The following POFUT3 variants were observed in gnomAD, a reference collection of about 807,000 sequenced individuals.
The protein encoded by POFUT3 is protein O-fucosyltransferase 3, also known as GDP-fucose protein O-fucosyltransferase 3.
At chr8:33,368,590 C>A in the POFUT3 span, among the ~76,000 whole-genome samples, 2 of 152,174 alleles carry the variant, frequency 1.3e-5, no homozygotes, top group African/African-American at 2.4e-5. Flanking sequence ...TATGAGCAAG[C>A]AGGGTCAAGA....
the POFUT3 span, among the ~76,000 whole-genome samples, chr8:33,434,363 T>C: frequency 6.6e-6 from 1 of 152,154 alleles, no homozygotes; most frequent in African/African-American, 2.4e-5. Flanking sequence ...GTCTTTGCTC[T>C]TCCTAGCTTT....
At chr8:33,334,846 C>T in the POFUT3 span, among the ~76,000 whole-genome samples, 1 of 152,162 alleles carries the variant, frequency 6.6e-6, no homozygotes, top group African/African-American at 2.4e-5. Context: ...TGAAGCAATT[C>T]AACTCCAACA....
At chr8:33,332,762 C>A in the POFUT3 span, among the ~76,000 whole-genome samples, 1 of 152,034 alleles carries the variant, frequency 6.6e-6, no homozygotes, top group African/African-American at 2.4e-5. Context: ...AAGGAAGGGG[C>A]CTTAACCATT....
At chr8:33,451,480 A>G in the POFUT3 span, among the ~76,000 whole-genome samples, 12 of 152,100 alleles carry the variant, frequency 7.9e-5, no homozygotes, top group South Asian at 2.1e-4. Context: ...GTGTGTGTAT[A>G]TGCATATATG....
the POFUT3 span, among the ~76,000 whole-genome samples, chr8:33,350,362 C>T: frequency 6.6e-6 from 1 of 152,126 alleles, no homozygotes; most frequent in African/African-American, 2.4e-5. Context: ...ATCCTTTTCC[C>T]AGGCCCTGTC....
chr8:33,309,328 A>C, the POFUT3 span, among the ~76,000 whole-genome samples: 1 of 147,464 alleles, frequency 6.8e-6, no homozygotes, highest in Admixed American at 6.8e-5. Context: ...ACATGGGATA[A>C]AGGTTGTTTA....
the POFUT3 span, among the ~76,000 whole-genome samples, chr8:33,309,167 A>ATAT: frequency 3.7e-5 from 2 of 53,674 alleles, no homozygotes; most frequent in Admixed American, 2.6e-4. Flanking sequence ...AAAAAAAAAA[A>ATAT]ATATATATAT....
the POFUT3 span, among the ~76,000 whole-genome samples, chr8:33,337,333 G>C: frequency 6.6e-6 from 1 of 152,130 alleles, no homozygotes; most frequent in Non-Finnish European, 1.5e-5. Flanking sequence ...AGATGGAAAA[G>C]TACTTCTCCA....
At chr8:33,469,172 G>A in the POFUT3 span, among the ~76,000 whole-genome samples, 17 of 152,100 alleles carry the variant, frequency 1.1e-4, no homozygotes, top group Non-Finnish European at 2.4e-4. Flanking sequence ...TGGGTGTGGT[G>A]GTGCGTGCCT....
the POFUT3 span, among the ~76,000 whole-genome samples, chr8:33,362,626 C>G: frequency 6.6e-6 from 1 of 151,628 alleles, no homozygotes; most frequent in Non-Finnish European, 1.5e-5. Flanking sequence ...CAATCCTAGT[C>G]TCTGATAAAA....
the POFUT3 span, among the ~76,000 whole-genome samples, chr8:33,351,645 A>G: frequency 2.0e-5 from 3 of 152,150 alleles, no homozygotes; most frequent in African/African-American, 4.8e-5. Context: ...TGCTTCTTGT[A>G]CAGCCTGAAG....
chr8:33,453,601 G>A, the POFUT3 span: 137 of 1,066,940 alleles, frequency 1.3e-4, 6 homozygotes, highest in South Asian at 1.9e-3. Context: ...CCCCTGACTC[G>A]TTTTCAATTG....
the POFUT3 span, among the ~76,000 whole-genome samples, chr8:33,439,501 C>A: frequency 6.6e-5 from 10 of 152,246 alleles, no homozygotes; most frequent in East Asian, 1.5e-3. Flanking sequence ...AAATCAGAAT[C>A]AAACAAAATA....
the POFUT3 span, among the ~76,000 whole-genome samples, chr8:33,415,646 TA>T: frequency 6.6e-6 from 1 of 151,988 alleles, no homozygotes; most frequent in Non-Finnish European, 1.5e-5. Flanking sequence ...TCATCCAGCA[TA>T]ATAAAGGGTA....
the POFUT3 span, among the ~76,000 whole-genome samples, chr8:33,451,478 A>G: frequency 5.9e-5 from 9 of 152,112 alleles, no homozygotes; most frequent in South Asian, 4.1e-4. Context: ...ATGTGTGTGT[A>G]TATGCATATA....
the POFUT3 span, chr8:33,371,191 T>G: frequency 6.6e-6 from 1 of 152,194 alleles, no homozygotes; most frequent in East Asian, 1.9e-4. Context: ...AAGATCATAT[T>G]TAGTTAATGA....
the POFUT3 span, among the ~76,000 whole-genome samples, chr8:33,420,919 T>C: frequency 6.6e-6 from 1 of 151,756 alleles, no homozygotes; most frequent in Non-Finnish European, 1.5e-5. Flanking sequence ...TAAAATTATT[T>C]GTCAATTTAA....
At chr8:33,466,336 G>A in the POFUT3 span, among the ~76,000 whole-genome samples, 1 of 152,080 alleles carries the variant, frequency 6.6e-6, no homozygotes, top group African/African-American at 2.4e-5. Flanking sequence ...GGCTAAAGCA[G>A]GAGAATCACC....
At chr8:33,432,061 G>A in the POFUT3 span, among the ~76,000 whole-genome samples, 1 of 152,000 alleles carries the variant, frequency 6.6e-6, no homozygotes, top group Non-Finnish European at 1.5e-5. Flanking sequence ...GATTTCTTGA[G>A]CCTAGGAGTA....
Sources: gnomAD v4.1 joint callset for allele counts (sites outside exome capture counted in the v4.1 genomes callset) on GRCh38, gnomAD v4.1.1 for gene constraint, MANE v1.5 for transcripts, NCBI Gene and HGNC (gene_info 2026-07-23, HGNC 2026-07-21) for gene names.